The following INPP5A variants were observed in gnomAD, a reference collection of about 807,000 sequenced individuals.
The protein encoded by INPP5A is 43 kDa inositol polyphosphate 5-phophatase.
A neutral mutation model predicts 65.2 loss-of-function variants in INPP5A; 14 were observed. The ratio of observed to expected loss-of-function variants is 0.21; its 90% CI spans 0.14 to 0.34. INPP5A has a LOEUF of 0.34. INPP5A is among the 10% of genes least tolerant of loss of function. INPP5A has a pLI of 1.00. For missense variants in INPP5A, 431 were observed against 545.6 expected, an observed-to-expected ratio of 0.79 and a Z score of 2.09; for synonymous variants, 207 against 208.3, an observed-to-expected ratio of 0.99 and a Z score of 0.05.
intron 11 of INPP5A, chr10:132,754,069 C>G (rs1445983613): frequency 6.6e-6 from 1 of 152,238 alleles, no homozygotes; most frequent in Non-Finnish European, 1.5e-5. Context: ...GGGGCAACAG[C>G]CCCCATGCCA....
intron 2 of INPP5A, among the ~76,000 whole-genome samples, chr10:132,611,726 G>A (rs1328559895): frequency 6.9e-6 from 1 of 144,326 alleles, no homozygotes; most frequent in Non-Finnish European, 1.5e-5. Flanking sequence ...TCCAGGGAGG[G>A]TGAGGGAGGT....
At chr10:132,588,733 TGA>T (rs1339455985) in intron 1 of INPP5A, among the ~76,000 whole-genome samples, 1 of 152,246 alleles carries the variant, frequency 6.6e-6, no homozygotes, top group African/African-American at 2.4e-5. Flanking sequence ...TGGAAGGAAA[TGA>T]GTTGACGTTC....
rs538914626 is a variant in INPP5A at position 132,694,172 on chromosome 10, C to T, written c.371-3644C>T. Among the ~76,000 whole-genome samples, 22 of 152,334 alleles carry T rather than the reference C, an allele frequency of 1.4e-4. No individual in the cohort carries two copies. The East Asian group carries it at 1.9e-3, about 13-fold the overall frequency. Reference sequence around the variant, plus strand: ...AATTTAAAAGAACAGAAACCATATACAGCATGCTCATAGATTACAATGGAA... The same window carrying T: ...AATTTAAAAGAACAGAAACCATATATAGCATGCTCATAGATTACAATGGAA... On this transcript the variant is annotated intron_variant, in intron 5 of 15. Coordinates refer to ENST00000368594, the MANE Select transcript of INPP5A (RefSeq NM_005539.5).
At chr10:132,633,707 G>A (rs578112560) in intron 2 of INPP5A, among the ~76,000 whole-genome samples, 14 of 152,342 alleles carry the variant, frequency 9.2e-5, no homozygotes, top group African/African-American at 3.4e-4. Flanking sequence ...GCACTCACTC[G>A]AAGGCCCTGG....
rs1246997231 is a variant in INPP5A, at chr10:132,627,644, T to C, written c.118-18224T>C. On this transcript the variant is annotated intron_variant, in intron 2 of 15. Transcript: ENST00000368594. The surrounding 1 kb of genome is among the most constrained non-coding windows in gnomAD (Gnocchi z 6.6). ...AAAAGACACCTTCCAGGAATCGTGG[T>C]GAAAGCAGCGAGCACAGTGTGGTCC... Among the ~76,000 whole-genome samples, 1 of 152,118 alleles carries C rather than the reference T, an allele frequency of 6.6e-6. No individual in the cohort carries two copies. Among genetic ancestry groups the C allele is most frequent in the Non-Finnish European group, 1.5e-5 (1 of 68,034 alleles).
At chr10:132,630,052 A>T (rs1438401569) in intron 2 of INPP5A, among the ~76,000 whole-genome samples, 1 of 151,540 alleles carries the variant, frequency 6.6e-6, no homozygotes, top group Non-Finnish European at 1.5e-5. Context: ...TTCATGGAGG[A>T]GGGCGTCCTC....
chr10:132,712,842 G>C (rs896754683), intron 8 of INPP5A, among the ~76,000 whole-genome samples: 2 of 151,158 alleles, frequency 1.3e-5, no homozygotes, highest in African/African-American at 4.9e-5. Context: ...GTGCATATGT[G>C]TAGGCTTGTG....
chr10:132,695,015 C>G (rs1231082230), intron 5 of INPP5A, among the ~76,000 whole-genome samples: 1 of 152,052 alleles, frequency 6.6e-6, no homozygotes, highest in Non-Finnish European at 1.5e-5. Flanking sequence ...AAGCAGAGGA[C>G]AAACGTCCTA....
chr10:132,622,962 G>A (rs1344500240), intron 2 of INPP5A, among the ~76,000 whole-genome samples: 1 of 151,278 alleles, frequency 6.6e-6, no homozygotes, highest in African/African-American at 2.5e-5. Flanking sequence ...GTCCGTGTTC[G>A]TGGATTGGAA....
intron 9 of INPP5A, among the ~76,000 whole-genome samples, chr10:132,744,408 C>A (rs1199392547): frequency 1.3e-5 from 2 of 152,138 alleles, no homozygotes; most frequent in Non-Finnish European, 2.9e-5. Flanking sequence ...TTCCAGGACC[C>A]CCGGGAGGGT....
At chr10:132,648,116 AAATAT>A (rs1207512235) in intron 3 of INPP5A, among the ~76,000 whole-genome samples, 2 of 152,274 alleles carry the variant, frequency 1.3e-5, no homozygotes. Context: ...ACGAGTGTTT[AAATAT>A]ATGAAGAACT....
intron 11 of INPP5A, among the ~76,000 whole-genome samples, chr10:132,755,028 C>T (rs763078657): frequency 4.0e-5 from 6 of 148,460 alleles, no homozygotes; most frequent in Non-Finnish European, 6.0e-5. Flanking sequence ...TGTGAGTATG[C>T]GTGTGTGTGA....
rs570253484 is a variant in INPP5A at position 132,550,187 on chromosome 10, C to T, written c.75+12016C>T. On this transcript the variant is annotated intron_variant, in intron 1 of 15. Coordinates refer to ENST00000368594, the MANE Select transcript of INPP5A (RefSeq NM_005539.5). This position sits in a 1 kb window ranked among gnomAD's most constrained non-coding sequence, Gnocchi z 4.2. ...TCAGTCTTGAGTTATTAGTATTTAT[C>T]GGGGAGAGCAGAGAGAGCTTAGGAG... Among the ~76,000 whole-genome samples the T allele has an allele frequency of 1.7e-4, 26 of 152,244 alleles. No individual in the cohort carries two copies. The East Asian group carries it at 2.9e-3, about 17-fold the overall frequency.
rs1367800394 is a variant in INPP5A, at chr10:132,587,543, G to T, written c.76-20372G>T. Among the ~76,000 whole-genome samples the T allele has an allele frequency of 1.3e-5, 2 of 152,212 alleles. No homozygotes were observed. Among genetic ancestry groups the T allele is most frequent in the African/African-American group, 2.4e-5 (1 of 41,444 alleles). On this transcript the variant is annotated intron_variant, in intron 1 of 15. Transcript: ENST00000368594. The surrounding 1 kb of genome is among the most constrained non-coding windows in gnomAD (Gnocchi z 4.3). The stretch of plus-strand genomic sequence containing the variant: ...CAGAGCTGTTGGGACGCGGGGAGCA[G>T]GCGAAATTTCTGGGCCAATGTTTAA...
intron 4 of INPP5A, among the ~76,000 whole-genome samples, chr10:132,669,684 G>A (rs1272246373): frequency 6.6e-6 from 1 of 152,220 alleles, no homozygotes; most frequent in African/African-American, 2.4e-5. Flanking sequence ...GGGCCTGCCT[G>A]TGCGTGCCCC....
chr10:132,730,924 GT>G (rs768639695), intron 9 of INPP5A, among the ~76,000 whole-genome samples: 1 of 152,196 alleles, frequency 6.6e-6, no homozygotes, highest in Non-Finnish European at 1.5e-5. Context: ...ATAGAGCCGC[GT>G]GGCTATTCCA....
chr10:132,689,799 A>G (rs1056474670), intron 4 of INPP5A, among the ~76,000 whole-genome samples: 4 of 152,200 alleles, frequency 2.6e-5, no homozygotes, highest in Non-Finnish European at 5.9e-5. Context: ...CTTCTCTGGT[A>G]TGAAGAGCAG....
chr10:132,645,750 C>T, intron 2 of INPP5A, 118 bp from the exon 3 acceptor site: 1 of 714,384 alleles, frequency 1.4e-6, no homozygotes, highest in Non-Finnish European at 2.4e-6. Flanking sequence ...AGACATGGGG[C>T]CCCGTCTCTG....
intron 1 of INPP5A, among the ~76,000 whole-genome samples, chr10:132,592,479 G>A (rs1412856943): frequency 1.3e-5 from 2 of 152,158 alleles, no homozygotes; most frequent in African/African-American, 2.4e-5. Flanking sequence ...GCAGTGGCAC[G>A]ACCTCAGCTC....
Sources: allele counts gnomAD v4.1 joint callset (sites outside exome capture counted in the v4.1 genomes callset), GRCh38; gene constraint gnomAD v4.1.1; non-coding constraint Gnocchi (gnomAD v3.1); transcripts MANE v1.5; gene names NCBI Gene and HGNC (gene_info 2026-07-23, HGNC 2026-07-21).